The following COL9A1 variants were observed in gnomAD, a reference collection of about 807,000 sequenced individuals.
COL9A1 encodes collagen alpha-1(IX) chain.
Under a neutral mutation model 142.6 loss-of-function variants are expected in COL9A1, and 104 were observed. The observed-to-expected ratio is 0.73, with a 90% CI of 0.62 to 0.86. The LOEUF (loss-of-function observed/expected upper bound fraction) is 0.86, where lower values mean the gene tolerates loss of function less well. Ranked by LOEUF, COL9A1 falls within the 40% of genes least tolerant of loss-of-function variation. The pLI is 0.00. For synonymous variants in COL9A1, 466 were observed against 396.0 expected (o/e 1.18, Z -2.10); for missense variants, 1,210 against 1,176.6 (o/e 1.03, Z -0.42).
chr6:70,302,189 GTTTTTTTTTCATTTCTTTT>G (rs1292850538), intron 1 of COL9A1, 115 bp from the exon 2 acceptor site: 10 of 488,600 alleles, frequency 2.0e-5, no homozygotes, highest in Non-Finnish European at 3.4e-5. Flanking sequence ...TCACAGTATA[GTTTTTTTTTCATTTCTTTT>G]TTTTTTTTTT....
intron 13 of COL9A1, 28 bp from the exon 14 acceptor site, chr6:70,271,736 T>C: frequency 6.3e-7 from 1 of 1,598,406 alleles, no homozygotes; most frequent in Non-Finnish European, 8.6e-7. Context: ...AAGCAAATGG[T>C]CATTTATGAA....
At chr6:70,215,348 G>A (rs1486223869), downstream of COL9A1, 2 of 151,950 alleles carry the variant, frequency 1.3e-5, no homozygotes, top group Non-Finnish European at 2.9e-5. Context: ...CAAACAACTA[G>A]GACTAGAATT....
chr6:70,279,264 C>G (rs1158364143), intron 10 of COL9A1, among the ~76,000 whole-genome samples: 1 of 152,048 alleles, frequency 6.6e-6, no homozygotes, highest in Non-Finnish European at 1.5e-5. Flanking sequence ...TATAGATGTT[C>G]CAAAGAGTTT....
rs375684014 is a variant in COL9A1 at position 70,232,738 on chromosome 6, C to T, written c.2348G>A (p.Arg783His). Reference protein sequence around the residue: ...HFAEMAASLKRPDSGATGLPG... With the variant: ...HFAEMAASLKHPDSGATGLPG... ...AAGCCCAGTGGCACCTGAGTCTGGA[C>T]GCTTAAGACTGGCAGCCATCTCAGC... is the stretch of plus-strand genomic sequence containing the variant. The change falls in exon 36 of 38, where the codon CGT becomes CAT. Residue 783 changes from arginine (R) to histidine (H), a missense_variant. Arg to His is a conservative substitution (Grantham distance 29, BLOSUM62 0). Coordinates refer to ENST00000357250, the MANE Select transcript of COL9A1 (RefSeq NM_001851.6). The T allele has an allele frequency of 9.9e-5, 160 of 1,613,640 alleles. 2 individuals are homozygous for T. The highest frequency in any genetic ancestry group is 1.2e-4 in the Non-Finnish European group (145 of 1,179,936).
At position 70,267,327 on chromosome 6, in the gene COL9A1, G is replaced by GTTTTTTTTTGTTT. The variant is rs1554241919; in HGVS notation, c.1288-558_1288-557insAAACAAAAAAAAA. 1.1e-3 allele frequency among the ~76,000 whole-genome samples: 136 copies of GTTTTTTTTTGTTT among 127,060 alleles called. 2 individuals carry two copies. Among genetic ancestry groups the GTTTTTTTTTGTTT allele is most frequent in the African/African-American group, 3.9e-3 (132 of 33,664 alleles). 83.4% of individuals were successfully genotyped at this position (127,060 alleles called of 152,430 possible). Reference sequence around the variant, plus strand: ...TTGTTGTTGTTTGTTTGGTTTTTTTGTTTTTTTTTTTTGAGATGGAGCTTC... The same window carrying GTTTTTTTTTGTTT: ...TTGTTGTTGTTTGTTTGGTTTTTTTGTTTTTTTTTGTTTTTTTTTTTTTTTGAGATGGAGCTTC... On this transcript the variant is annotated intron_variant, in intron 17 of 37. Coordinates refer to ENST00000357250, the MANE Select transcript of COL9A1 (RefSeq NM_001851.6).
chr6:70,253,964 A>G (rs1771109927), intron 25 of COL9A1, among the ~76,000 whole-genome samples: 1 of 152,236 alleles, frequency 6.6e-6, no homozygotes, highest in Non-Finnish European at 1.5e-5. Flanking sequence ...AGTATTCTTT[A>G]TTAATTAGAA....
chr6:70,262,199 A>T (rs1429582540), intron 19 of COL9A1, among the ~76,000 whole-genome samples: 1 of 152,040 alleles, frequency 6.6e-6, no homozygotes, highest in East Asian at 1.9e-4. Context: ...TACACCATGT[A>T]TCCTTATCTC....
At chr6:70,252,466 T>C (rs1771006233) in intron 26 of COL9A1, 151 bp from the exon 27 acceptor site, 1 of 736,390 alleles carries the variant, frequency 1.4e-6, no homozygotes, top group Non-Finnish European at 2.4e-6. Flanking sequence ...ATCTCTTTCT[T>C]GTTAGATACA....
chr6:70,218,380 C>T (rs1768661296), intron 37 of COL9A1, among the ~76,000 whole-genome samples: 1 of 152,126 alleles, frequency 6.6e-6, no homozygotes, highest in African/African-American at 2.4e-5. Context: ...GTATGTTGCC[C>T]TCAATGGGGC....
rs900369493 is a variant in COL9A1 at position 70,287,161 on chromosome 6, C to T, written c.697-3341G>A. 5.9e-5 allele frequency among the ~76,000 whole-genome samples: 9 copies of T among 151,896 alleles called. No homozygotes were observed. In the South Asian group the frequency reaches 8.3e-4, roughly 14 times the overall value. On this transcript the variant is annotated intron_variant, in intron 5 of 37. Coordinates refer to ENST00000357250, the MANE Select transcript of COL9A1 (RefSeq NM_001851.6). ...ACTTCTGTTATTATAAGCAGAGACA[C>T]GGAGGGTAAAGATTAGGGTTTACAT...
At chr6:70,249,943 T>C (rs903505032) in intron 28 of COL9A1, among the ~76,000 whole-genome samples, 3 of 152,164 alleles carry the variant, frequency 2.0e-5, no homozygotes, top group African/African-American at 2.4e-5. Context: ...TTCCTTTAAC[T>C]ATATAGAGCT....
Position 70,271,669 on chromosome 6 carries a change from G to A in COL9A1, c.1129C>T (p.Arg377Cys), listed in dbSNP as rs372232825. The part of the protein sequence containing the change: ...GTAGLPGELG[R>C]VGPVGDPGRR... ...GTGGTACTCACAACAGGTCCTACAC[G>A]GCCAAGCTCTCCAGGGAGTCCTGCT... Residue 377 changes from arginine to cysteine, a missense_variant, in exon 14 of 38, where the codon CGT becomes TGT. Arg to Cys is a radical substitution (Grantham distance 180, BLOSUM62 -3). Coordinates refer to ENST00000357250, the MANE Select transcript of COL9A1 (RefSeq NM_001851.6). The A allele has an allele frequency of 1.6e-5, 26 of 1,613,710 alleles. No homozygotes were observed. The highest frequency in any genetic ancestry group is 1.9e-5 in the Non-Finnish European group (23 of 1,179,810).
downstream of COL9A1, chr6:70,215,677 A>G (rs1768456844): frequency 6.6e-6 from 1 of 152,236 alleles, no homozygotes; most frequent in Non-Finnish European, 1.5e-5. Flanking sequence ...AAAATTTACA[A>G]GAAATGGTGA....
At chr6:70,253,276 G>A (rs923349536) in intron 26 of COL9A1, 109 bp downstream of exon 26, 5 of 759,534 alleles carry the variant, frequency 6.6e-6, no homozygotes, top group Non-Finnish European at 1.1e-5. Context: ...TTCTCCCTAG[G>A]GCCAAATATA....
chr6:70,274,342 C>T (rs1412509070), intron 11 of COL9A1, among the ~76,000 whole-genome samples: 1 of 152,148 alleles, frequency 6.6e-6, no homozygotes, highest in East Asian at 1.9e-4. Flanking sequence ...AGCTATTCTT[C>T]CTGATGCTCT....
chr6:70,264,625 A>T (rs1379956789), intron 18 of COL9A1, among the ~76,000 whole-genome samples: 1 of 152,056 alleles, frequency 6.6e-6, no homozygotes, highest in Admixed American at 6.5e-5. Flanking sequence ...ATAACAAGGT[A>T]CAGGGTATTT....
At chr6:70,245,878 C>T (rs1365954128) in intron 28 of COL9A1, 2 of 152,190 alleles carry the variant, frequency 1.3e-5, no homozygotes, top group East Asian at 1.9e-4. Flanking sequence ...TCACTTGAAC[C>T]CGGGAGGTGG....
At chr6:70,238,904 T>G (rs1770072058) in intron 33 of COL9A1, among the ~76,000 whole-genome samples, 1 of 152,224 alleles carries the variant, frequency 6.6e-6, no homozygotes, top group Non-Finnish European at 1.5e-5. Flanking sequence ...TTTGGGAGGC[T>G]GAGGTGGGCA....
At chr6:70,268,016 G>A (rs953158949) in intron 17 of COL9A1, among the ~76,000 whole-genome samples, 12 of 151,922 alleles carry the variant, frequency 7.9e-5, no homozygotes, top group African/African-American at 2.9e-4. Context: ...TTTATCCCCA[G>A]AATTTGGTAT....
Sources: allele counts gnomAD v4.1 joint callset (sites outside exome capture counted in the v4.1 genomes callset), GRCh38; gene constraint gnomAD v4.1.1; transcripts MANE v1.5; gene names NCBI Gene and HGNC (gene_info 2026-07-23, HGNC 2026-07-21).